Variants in TAOK3 observed in about 807,000 individuals in gnomAD.
The protein encoded by TAOK3 is serine/threonine-protein kinase TAO3.
Under a neutral mutation model 120.4 loss-of-function variants are expected in TAOK3, and 40 were observed. The ratio of observed to expected loss-of-function variants is 0.33; its 90% CI spans 0.26 to 0.43. TAOK3 has a LOEUF of 0.43. Ranked by LOEUF, TAOK3 falls within the 20% of genes least tolerant of loss-of-function variation. The probability of loss-of-function intolerance (pLI) is 1.00; values close to 1 mark genes in which losing one functional copy is unlikely to be tolerated. For synonymous variants in TAOK3, 355 were observed against 387.5 expected (o/e 0.92, Z 0.99); for missense variants, 821 against 1,112.1 (o/e 0.74, Z 3.72).
At chr12:118,246,453 T>A (rs2040508740) in intron 3 of TAOK3, 2 of 1,462,180 alleles carry the variant, frequency 1.4e-6, no homozygotes, top group Non-Finnish European at 9.4e-7. Flanking sequence ...GCGCACCAGG[T>A]TCAAGGCGTT....
At chr12:118,315,631 T>C (rs998808703) in intron 1 of TAOK3, among the ~76,000 whole-genome samples, 10 of 152,304 alleles carry the variant, frequency 6.6e-5, no homozygotes, top group South Asian at 2.1e-4. Context: ...TTCTGAGAGA[T>C]AGGATCATGG....
intron 14 of TAOK3, among the ~76,000 whole-genome samples, chr12:118,187,905 T>C (rs1298579356): frequency 2.0e-5 from 3 of 152,214 alleles, no homozygotes; most frequent in African/African-American, 4.8e-5. Flanking sequence ...TGAGGTGGCA[T>C]AGTAGGGAAG....
intron 1 of TAOK3, among the ~76,000 whole-genome samples, chr12:118,271,347 C>T (rs2041692273): frequency 6.6e-6 from 1 of 152,130 alleles, no homozygotes; most frequent in East Asian, 1.9e-4. Context: ...CGCCCCACCC[C>T]ATTCCCTCCA....
At chr12:118,291,527 A>C (rs982886316) in intron 1 of TAOK3, among the ~76,000 whole-genome samples, 1 of 152,152 alleles carries the variant, frequency 6.6e-6, no homozygotes, top group Non-Finnish European at 1.5e-5. Flanking sequence ...TTACTACTTC[A>C]TGTGCTTTTT....
At chr12:118,253,755 C>A (rs1422793855) in intron 3 of TAOK3, among the ~76,000 whole-genome samples, 4 of 146,094 alleles carry the variant, frequency 2.7e-5, no homozygotes, top group Non-Finnish European at 6.0e-5. Flanking sequence ...AACAAACAAA[C>A]AAAAAAAAAA....
At chr12:118,271,314 C>A (rs2041690463) in intron 1 of TAOK3, among the ~76,000 whole-genome samples, 1 of 152,048 alleles carries the variant, frequency 6.6e-6, no homozygotes, top group Non-Finnish European at 1.5e-5. Context: ...CAAAACCATA[C>A]CCTTTAGCTA....
chr12:118,299,420 G>GT (rs2042796025), intron 1 of TAOK3, among the ~76,000 whole-genome samples: 1 of 151,986 alleles, frequency 6.6e-6, no homozygotes, highest in African/African-American at 2.4e-5. Flanking sequence ...GTTTTGAGAT[G>GT]TTTTTTATGG....
chr12:118,151,285 G>GCTCACACA, intron 20 of TAOK3, 127 bp from the exon 21 acceptor site: 1 of 612,496 alleles, frequency 1.6e-6, no homozygotes. Flanking sequence ...AAGTGCGCGC[G>GCTCACACA]CGCGCACACA....
chr12:118,246,659 G>T (rs922185052), intron 3 of TAOK3: 88 of 1,567,734 alleles, frequency 5.6e-5, no homozygotes, highest in Non-Finnish European at 7.5e-5. Flanking sequence ...GCTCTGTGCT[G>T]GTGCGCCTCA....
At chr12:118,368,698 C>T (rs1448720647) in intron 1 of TAOK3, among the ~76,000 whole-genome samples, 1 of 150,216 alleles carries the variant, frequency 6.7e-6, no homozygotes, top group Non-Finnish European at 1.5e-5. Flanking sequence ...CCCAGCTACC[C>T]GGGAGGCTGA....
intron 1 of TAOK3, among the ~76,000 whole-genome samples, chr12:118,274,117 T>TA (rs1484825140): frequency 4.0e-5 from 6 of 151,132 alleles, no homozygotes; most frequent in Non-Finnish European, 4.4e-5. Flanking sequence ...GAGAACTGTC[T>TA]AAAAAAAACA....
At chr12:118,295,583 T>G (rs1343006119) in intron 1 of TAOK3, among the ~76,000 whole-genome samples, 2 of 152,218 alleles carry the variant, frequency 1.3e-5, no homozygotes, top group Non-Finnish European at 2.9e-5. Context: ...GATTATAAAC[T>G]TCTTGAAGGC....
chr12:118,246,047 T>C (rs2040477247), intron 3 of TAOK3: 2 of 845,358 alleles, frequency 2.4e-6, no homozygotes, highest in Non-Finnish European at 3.5e-6. Flanking sequence ...GTAGAAAAAA[T>C]TATAAAAGAA....
intron 1 of TAOK3, among the ~76,000 whole-genome samples, chr12:118,320,768 T>C (rs1036615584): frequency 1.3e-5 from 2 of 152,062 alleles, no homozygotes; most frequent in African/African-American, 2.4e-5. Flanking sequence ...AAAAAGAGGG[T>C]CCCCAAGCTG....
chr12:118,271,898 A>G (rs1190164031), intron 1 of TAOK3, among the ~76,000 whole-genome samples: 4 of 152,140 alleles, frequency 2.6e-5, no homozygotes, highest in African/African-American at 9.7e-5. Context: ...CTCTTCCTTA[A>G]CCTCCTGCAA....
At chr12:118,334,564 T>C (rs1304901673) in intron 1 of TAOK3, among the ~76,000 whole-genome samples, 2 of 152,160 alleles carry the variant, frequency 1.3e-5, no homozygotes, top group Non-Finnish European at 2.9e-5. Context: ...ATAACAATAC[T>C]GTATTGGATA....
intron 1 of TAOK3, among the ~76,000 whole-genome samples, chr12:118,312,918 G>A (rs999768671): frequency 6.6e-6 from 1 of 152,170 alleles, no homozygotes; most frequent in African/African-American, 2.4e-5. Context: ...CATAACAGAT[G>A]TGAATTCCAT....
intron 1 of TAOK3, among the ~76,000 whole-genome samples, chr12:118,363,781 A>T (rs2045671661): frequency 6.6e-6 from 1 of 151,874 alleles, no homozygotes; most frequent in Admixed American, 6.6e-5. Flanking sequence ...AGAGAGACAG[A>T]CAGACAGACA....
chr12:118,211,068 TTTC>T (rs2038606735), intron 11 of TAOK3, among the ~76,000 whole-genome samples: 1 of 152,204 alleles, frequency 6.6e-6, no homozygotes, highest in Non-Finnish European at 1.5e-5. Context: ...TTCTTGTAAG[TTTC>T]ACAAGGGCAG....
Sources: allele counts gnomAD v4.1 joint callset (sites outside exome capture counted in the v4.1 genomes callset), GRCh38; gene constraint gnomAD v4.1.1; transcripts MANE v1.5; gene names NCBI Gene and HGNC (gene_info 2026-07-23, HGNC 2026-07-21).